HDLBP: variants seen among roughly 807,000 people sequenced by gnomAD.
HDLBP encodes high density lipoprotein binding protein.
Under a neutral mutation model 137.3 loss-of-function variants are expected in HDLBP, and 30 were observed. That is an observed-to-expected ratio of 0.22 (90% CI 0.16 to 0.30). The LOEUF is 0.30. Among genes scored for constraint, HDLBP ranks in the 10% least tolerant of loss-of-function variants. HDLBP has a pLI of 1.00. For synonymous variants in HDLBP, 606 were observed against 596.0 expected, an observed-to-expected ratio of 1.02 and a Z score of -0.24; for missense variants, 1,119 against 1,667.3, an observed-to-expected ratio of 0.67 and a Z score of 5.73.
rs1394169232 is a variant in HDLBP, at chr2:241,236,759, T to G, written c.2760A>C (p.Thr920=). ...CCCCATTCTCCTGGACAACTGGCTC[T>G]GTACTGTGAACTAGAGAGAAAGGGG... The part of the protein sequence containing the change: ...PDREENAVHS[T]EPVVQENGDE... Residue 920 remains threonine (T), a synonymous_variant, in exon 21 of 28, where the codon ACA becomes ACC. Coordinates refer to ENST00000310931, the MANE Select transcript of HDLBP (RefSeq NM_005336.6). The G allele has an allele frequency of 6.2e-7, 1 of 1,614,126 alleles. No individual in the cohort carries two copies. The highest frequency in any genetic ancestry group is 1.1e-5 in the South Asian group (1 of 91,070).
chr2:241,273,365 T>C, intron 1 of HDLBP: 1 of 556,648 alleles, frequency 1.8e-6, no homozygotes, highest in Non-Finnish European at 2.3e-6. Flanking sequence ...CCCCAAAATG[T>C]AAAATCCCCT....
Position 241,255,553 on chromosome 2 carries a change from C to T in HDLBP, c.901G>A (p.Glu301Lys). 6.2e-7 allele frequency: 1 copy of T among 1,613,978 alleles called. No homozygotes were observed. Among genetic ancestry groups the T allele is most frequent in the Non-Finnish European group, 8.5e-7 (1 of 1,179,828 alleles). The change falls in exon 8 of 28, where the codon GAA becomes AAA. Residue 301 changes from glutamate (E) to lysine (K), a missense_variant. Physicochemically the swap from Glu to Lys is moderately conservative, Grantham distance 56. Around this residue, in one of 4 missense-constraint regions of HDLBP, gnomAD observed 425 missense variants for 693.9 expected, o/e 0.61. Transcript: ENST00000310931. ...TACTTGTGTTGGGATTTCTTCACTT[C>T]CACTGCAATGGTTGTAGTCTTCTTT... ...KKKKTTTIAV[E>K]VKKSQHKYVI...
chr2:241,300,204 C>A (rs2075343902), intron 1 of HDLBP, among the ~76,000 whole-genome samples: 2 of 152,058 alleles, frequency 1.3e-5, no homozygotes, highest in African/African-American at 4.8e-5. Context: ...TGGGGAACTC[C>A]CCCCACCCCG....
intron 1 of HDLBP, among the ~76,000 whole-genome samples, chr2:241,293,960 G>A (rs948421735): frequency 6.6e-6 from 1 of 150,944 alleles, no homozygotes; most frequent in Non-Finnish European, 1.5e-5. Flanking sequence ...ATAGCTACTT[G>A]GTCAATCAAA....
At chr2:241,281,376 C>G (rs1328607281) in intron 1 of HDLBP, among the ~76,000 whole-genome samples, 3 of 149,928 alleles carry the variant, frequency 2.0e-5, no homozygotes, top group Non-Finnish European at 3.0e-5. Flanking sequence ...AATAAATAAG[C>G]CAGGCATGGT....
intron 1 of HDLBP, chr2:241,273,752 T>C: frequency 1.2e-6 from 1 of 801,912 alleles, no homozygotes; most frequent in Non-Finnish European, 1.5e-6. Context: ...ACCCAGGGAA[T>C]GGGGTCAGGT....
At position 241,228,858 on chromosome 2, in the gene HDLBP, T is replaced by G. The variant is rs529829526; in HGVS notation, c.*743A>C. On this transcript the variant is annotated 3_prime_UTR_variant, in exon 28 of 28. Transcript: ENST00000310931. ...TGCGCATCTCAATCACAGCAGACAC[T>G]GTGACGGCCACAGGGGACCCAGATG... 1 of 152,958 alleles carries G rather than the reference T, an allele frequency of 6.5e-6. No homozygotes were observed. The highest frequency in any genetic ancestry group is 6.5e-5 in the Admixed American group (1 of 15,296). 9.5% of individuals were successfully genotyped at this position (152,958 alleles called of 1,614,324 possible).
rs1442176702 is a variant in HDLBP at position 241,272,709 on chromosome 2, C to T, written c.-102-4168G>A. The T allele has an allele frequency of 5.3e-5, 32 of 603,360 alleles. No homozygotes were observed. Among genetic ancestry groups the T allele is most frequent in the Non-Finnish European group, 6.4e-5 (31 of 485,552 alleles). The allele number at this position is 603,360 out of a possible 1,614,324, so 37.4% of individuals were successfully genotyped here. ...CCACCCCCCCGCCCGGCAGCCCGCC[C>T]GCCCCGTCCGCCCGCCCGCCCAGGC... On this transcript the variant is annotated intron_variant, in intron 1 of 27. Coordinates refer to ENST00000310931, the MANE Select transcript of HDLBP (RefSeq NM_005336.6). This position sits in a 1 kb window ranked among gnomAD's most constrained non-coding sequence, Gnocchi z 5.6.
At position 241,272,344 on chromosome 2, in the gene HDLBP, C is replaced by G; in HGVS notation, c.-102-3803G>C. The stretch of plus-strand genomic sequence containing the variant: ...GGAGCGGGGGAGGGGAGGGCCGGCC[C>G]CGCCAACGTCAGCGACCTGGGCTCA... On this transcript the variant is annotated intron_variant, in intron 1 of 27. Coordinates refer to ENST00000310931, the MANE Select transcript of HDLBP (RefSeq NM_005336.6). The surrounding 1 kb of genome is among the most constrained non-coding windows in gnomAD (Gnocchi z 5.6). The G allele has an allele frequency of 1.0e-6, 1 of 984,440 alleles. No individual in the cohort carries two copies. Among genetic ancestry groups the G allele is most frequent in the Non-Finnish European group, 1.2e-6 (1 of 829,300 alleles). 61.0% of individuals were successfully genotyped at this position (984,440 alleles called of 1,614,324 possible).
intron 1 of HDLBP, among the ~76,000 whole-genome samples, chr2:241,290,606 G>A (rs1226075383): frequency 3.9e-5 from 5 of 127,320 alleles, no homozygotes; most frequent in Non-Finnish European, 7.4e-5. Flanking sequence ...ACAAAACTCT[G>A]TCTCAAAGGA....
At chr2:241,299,592 T>C (rs1029624919) in intron 1 of HDLBP, among the ~76,000 whole-genome samples, 44 of 144,424 alleles carry the variant, frequency 3.0e-4, no homozygotes, top group Middle Eastern at 4.0e-3. Flanking sequence ...GGATGGCAGA[T>C]AACACTGACC....
Position 241,248,422 on chromosome 2 carries a change from C to T in HDLBP, c.1513-74G>A, listed in dbSNP as rs2071850266. ...AACTCCCCACTGACACAAGGGGACA[C>T]CAGGGAGCCCTGGGCACAGTCCTTC... On this transcript the variant is annotated intron_variant, in intron 12 of 27. Coordinates refer to ENST00000310931, the MANE Select transcript of HDLBP (RefSeq NM_005336.6). The T allele has an allele frequency of 4.1e-6, 5 of 1,210,842 alleles. 1 individual carries two copies. The South Asian group carries it at 6.1e-5, about 15-fold the overall frequency. The allele number at this position is 1,210,842 out of a possible 1,614,324, so 75.0% of individuals were successfully genotyped here.
At position 241,227,955 on chromosome 2, in the gene HDLBP, ATCCCAATTTACCAT is replaced by A. The variant is rs894421844; in HGVS notation, c.*1632_*1645del. The stretch of plus-strand genomic sequence containing the variant: ...GAAGCTGGAAGCTATATTCCTTCCA[ATCCCAATTTACCAT>A]TCCTGTAAACAGGCCCATTCAGGGC... On this transcript the variant is annotated 3_prime_UTR_variant, in exon 28 of 28. Coordinates refer to ENST00000310931, the MANE Select transcript of HDLBP (RefSeq NM_005336.6). 1 of 152,232 alleles carries A rather than the reference ATCCCAATTTACCAT, an allele frequency of 6.6e-6. No homozygotes were observed. Among genetic ancestry groups the A allele is most frequent in the African/African-American group, 2.4e-5 (1 of 41,456 alleles). The allele number at this position is 152,232 out of a possible 1,614,324, so 9.4% of individuals were successfully genotyped here. A position where few individuals can be genotyped will look rare whatever the true frequency, so the allele number is the denominator to read the frequency against.
rs2072363993 is a variant in HDLBP, at chr2:241,253,467, T to C, written c.1219A>G (p.Lys407Glu). The C allele has an allele frequency of 8.7e-6, 14 of 1,613,484 alleles. No individual in the cohort carries two copies. The highest frequency in any genetic ancestry group is 1.1e-5 in the Non-Finnish European group (13 of 1,179,494). ...VHIEFTEGEDKITLEGPTEDV... is the reference protein window; with the variant it reads ...VHIEFTEGEDEITLEGPTEDV... ...TCTGTAGGGCCCTCCAGGGTGATCT[T>C]GTCTTCGCCCTCTGTGAACTCGATG... The change falls in exon 10 of 28, where the codon AAG (lysine) becomes GAG (glutamate). Residue 407 changes from lysine to glutamate, a missense_variant. Physicochemically the swap from Lys to Glu is moderately conservative, Grantham distance 56. This residue lies in a region of HDLBP where 425 missense variants were observed against 693.9 expected (regional missense o/e 0.61). Coordinates refer to ENST00000310931, the MANE Select transcript of HDLBP (RefSeq NM_005336.6).
intron 5 of HDLBP, among the ~76,000 whole-genome samples, chr2:241,258,620 T>C (rs1373669144): frequency 6.6e-6 from 1 of 152,062 alleles, no homozygotes; most frequent in African/African-American, 2.4e-5. Flanking sequence ...AAATTCCAAA[T>C]AGATCAGAAA....
intron 1 of HDLBP, among the ~76,000 whole-genome samples, chr2:241,304,151 G>C (rs1306739362): frequency 6.6e-6 from 1 of 152,160 alleles, no homozygotes; most frequent in Non-Finnish European, 1.5e-5. Context: ...TACCTTTTTA[G>C]CAATCAACAC....
rs1204396592 is a variant in HDLBP at position 241,272,068 on chromosome 2, G to C, written c.-102-3527C>G. 2.1e-6 allele frequency: 1 copy of C among 479,794 alleles called. No homozygotes were observed. The highest frequency in any genetic ancestry group is 2.7e-6 in the Non-Finnish European group (1 of 367,650). 29.7% of individuals were successfully genotyped at this position (479,794 alleles called of 1,614,324 possible). On this transcript the variant is annotated intron_variant, in intron 1 of 27. Coordinates refer to ENST00000310931, the MANE Select transcript of HDLBP (RefSeq NM_005336.6). This position sits in a 1 kb window ranked among gnomAD's most constrained non-coding sequence, Gnocchi z 5.6. ...GCCTCCCCGCCTTTCATCCAAATTC[G>C]GTACTTTTCCGTAATGTATTTTTCA...
chr2:241,266,988 A>C, intron 2 of HDLBP, 82 bp from the exon 3 acceptor site: 1 of 1,018,852 alleles, frequency 9.8e-7, no homozygotes, highest in South Asian at 1.3e-5. Flanking sequence ...GTTTTAGCAA[A>C]GTTTTACTCT....
At chr2:241,258,231 C>T (rs2072863740) in intron 5 of HDLBP, among the ~76,000 whole-genome samples, 1 of 151,726 alleles carries the variant, frequency 6.6e-6, no homozygotes, top group South Asian at 2.1e-4. Flanking sequence ...CCTGTAATCC[C>T]AGCTACTCGG....
Sources: gnomAD v4.1 joint callset for allele counts (sites outside exome capture counted in the v4.1 genomes callset) on GRCh38, gnomAD v4.1.1 for gene constraint, gnomAD v4.1.1 regional missense constraint, Gnocchi (gnomAD v3.1) non-coding constraint, MANE v1.5 for transcripts, NCBI Gene and HGNC (gene_info 2026-07-23, HGNC 2026-07-21) for gene names.